S100Z: variants seen among roughly 807,000 people sequenced by gnomAD.
S100Z encodes the protein protein S100-Z.
S100Z carries 11 observed loss-of-function variants against 8.5 expected under a neutral mutation model. The ratio of observed to expected loss-of-function variants is 1.30; its 90% CI spans 0.82 to 2.15. The LOEUF is 2.15. Among genes scored for constraint, S100Z ranks in the 30% most tolerant of loss-of-function variants. S100Z has a pLI of 0.00. For missense variants in S100Z, 126 were observed against 117.9 expected (o/e 1.07, Z -0.32); for synonymous variants, 34 against 43.8 (o/e 0.78, Z 0.89).
intron 4 of S100Z, among the ~76,000 whole-genome samples, chr5:76,916,435 C>A (rs185089130): frequency 4.0e-5 from 6 of 151,026 alleles, no homozygotes; most frequent in East Asian, 1.9e-4. Context: ...CATCAATTAA[C>A]AGGATTGAAC....
intron 4 of S100Z, among the ~76,000 whole-genome samples, chr5:76,894,317 G>C (rs1743961445): frequency 1.3e-5 from 2 of 152,140 alleles, no homozygotes; most frequent in South Asian, 4.1e-4. Context: ...AAATGTATTT[G>C]ATTGATGTCT....
At chr5:76,938,838 G>A in the S100Z span, among the ~76,000 whole-genome samples, 11 of 152,132 alleles carry the variant, frequency 7.2e-5, no homozygotes, top group South Asian at 1.9e-3. Context: ...CTAATAGAAT[G>A]TGCCTCTATC....
In S100Z at chr5:76,871,923, C is replaced by T. The variant is rs901642323; in HGVS notation, c.-57+1639C>T. Among the ~76,000 whole-genome samples the T allele has an allele frequency of 3.3e-5, 5 of 152,294 alleles. No homozygotes were observed. In the South Asian group the frequency reaches 8.3e-4, roughly 25 times the overall value. Reference sequence around the variant, plus strand: ...CCTTACATATACTGATTTATGACTTCGCCTATAACTTAACATATAAAACCA... The same window carrying T: ...CCTTACATATACTGATTTATGACTTTGCCTATAACTTAACATATAAAACCA... On this transcript the variant is annotated intron_variant, in intron 2 of 4. Transcript: ENST00000317593.
intron 4 of S100Z, among the ~76,000 whole-genome samples, chr5:76,880,470 C>T (rs935950710): frequency 2.6e-5 from 4 of 151,962 alleles, no homozygotes; most frequent in Admixed American, 6.6e-5. Flanking sequence ...TTAGGGGTGA[C>T]GTGGGAACCT....
the S100Z span, among the ~76,000 whole-genome samples, chr5:76,934,646 G>T: frequency 6.6e-6 from 1 of 152,178 alleles, no homozygotes; most frequent in Admixed American, 6.5e-5. Flanking sequence ...TTGTTCTTTT[G>T]TCTCTTCCAC....
At chr5:76,900,200 C>T (rs886338485) in intron 4 of S100Z, among the ~76,000 whole-genome samples, 1 of 152,114 alleles carries the variant, frequency 6.6e-6, no homozygotes, top group Non-Finnish European at 1.5e-5. Context: ...TTATCAAATG[C>T]CTTGAGGTAG....
At chr5:76,915,472 G>A (rs934370475) in intron 4 of S100Z, among the ~76,000 whole-genome samples, 1 of 151,882 alleles carries the variant, frequency 6.6e-6, no homozygotes, top group Non-Finnish European at 1.5e-5. Flanking sequence ...GCCAGGCATG[G>A]GGGTGAGCGT....
At chr5:76,877,527 C>CACCT (rs1743240164) in intron 3 of S100Z, 147 bp from the exon 4 acceptor site, 1 of 591,024 alleles carries the variant, frequency 1.7e-6, no homozygotes, top group Admixed American at 3.1e-5. Context: ...GGCTGGTTTA[C>CACCT]ACCTACCTGT....
At chr5:76,858,594 C>A (rs76406118) in intron 1 of S100Z, among the ~76,000 whole-genome samples, 6,917 of 151,974 alleles carry the variant, frequency 0.046, 291 homozygotes, top group African/African-American at 0.11. Context: ...ATCCATTGTC[C>A]TGCCTGGACG....
At chr5:76,941,943 T>C in the S100Z span, among the ~76,000 whole-genome samples, 1 of 152,208 alleles carries the variant, frequency 6.6e-6, no homozygotes, top group Non-Finnish European at 1.5e-5. Flanking sequence ...TGGTTTATAA[T>C]CCAATATTAC....
chr5:76,881,485 A>G (rs1012309664), intron 4 of S100Z, among the ~76,000 whole-genome samples: 5 of 152,168 alleles, frequency 3.3e-5, no homozygotes, highest in Non-Finnish European at 5.9e-5. Context: ...GGCAGCCTGA[A>G]CAATCCCTGA....
chr5:76,938,918 C>T, the S100Z span, among the ~76,000 whole-genome samples: 4 of 152,124 alleles, frequency 2.6e-5, no homozygotes, highest in Non-Finnish European at 2.9e-5. Flanking sequence ...GCATCCCTGT[C>T]TTCATATCTC....
At chr5:76,917,053 G>A (rs1744875779) in intron 4 of S100Z, among the ~76,000 whole-genome samples, 2 of 148,908 alleles carry the variant, frequency 1.3e-5, no homozygotes, top group African/African-American at 4.9e-5. Flanking sequence ...TTGAACCCAG[G>A]AGGCGGAGGT....
At chr5:76,864,555 C>A (rs1019205883) in intron 1 of S100Z, among the ~76,000 whole-genome samples, 1 of 151,480 alleles carries the variant, frequency 6.6e-6, no homozygotes, top group Non-Finnish European at 1.5e-5. Context: ...AGGCGCATGA[C>A]ACCACATCCA....
chr5:76,947,173 ACTC>A, the S100Z span, among the ~76,000 whole-genome samples: 1 of 151,862 alleles, frequency 6.6e-6, no homozygotes, highest in Non-Finnish European at 1.5e-5. Flanking sequence ...TGGCATTCAC[ACTC>A]CTGCCTTTAA....
intron 1 of S100Z, among the ~76,000 whole-genome samples, chr5:76,859,890 G>C (rs1227054075): frequency 6.6e-6 from 1 of 152,042 alleles, no homozygotes; most frequent in Non-Finnish European, 1.5e-5. Flanking sequence ...TGCAACTCTG[G>C]GACTTTGAGT....
intron 4 of S100Z, among the ~76,000 whole-genome samples, chr5:76,915,668 G>A (rs988409503): frequency 1.3e-5 from 2 of 151,720 alleles, no homozygotes; most frequent in Non-Finnish European, 2.9e-5. Flanking sequence ...TAAAGTGGTA[G>A]GCTTAAGCCC....
rs568068657 is a variant in S100Z at position 76,851,480 on chromosome 5, G to A, written c.-176+1325G>A. ...GGTTGAGGAGGAAGGAACAGAGAGT[G>A]AGGAGATACAACCTGGCAACTGATT... On this transcript the variant is annotated intron_variant, in intron 1 of 4. Transcript: ENST00000317593. 1.5e-4 allele frequency among the ~76,000 whole-genome samples: 23 copies of A among 152,274 alleles called. No homozygotes were observed. The South Asian group carries it at 2.5e-3, about 16-fold the overall frequency.
chr5:76,932,642 C>T, the S100Z span, among the ~76,000 whole-genome samples: 2 of 152,188 alleles, frequency 1.3e-5, no homozygotes, highest in African/African-American at 4.8e-5. Flanking sequence ...GTGTGATCCA[C>T]CGTGCCTGGC....
Sources: gnomAD v4.1 joint callset for allele counts (sites outside exome capture counted in the v4.1 genomes callset) on GRCh38, gnomAD v4.1.1 for gene constraint, MANE v1.5 for transcripts, NCBI Gene and HGNC (gene_info 2026-07-23, HGNC 2026-07-21) for gene names.